Variants in METTL15 observed in about 807,000 individuals in gnomAD.
METTL15 encodes 12S rRNA N(4)-cytidine methyltransferase METTL15.
Under a neutral mutation model 38.3 loss-of-function variants are expected in METTL15, and 34 were observed. The ratio of observed to expected loss-of-function variants is 0.89; its 90% CI spans 0.68 to 1.18. The LOEUF (loss-of-function observed/expected upper bound fraction) is 1.18. Among genes scored for constraint, METTL15 ranks in the 50% most tolerant of loss-of-function variants. METTL15 has a pLI of 0.00. For synonymous variants in METTL15, 162 were observed against 170.9 expected (o/e 0.95, Z 0.41); for missense variants, 438 against 498.4 (o/e 0.88, Z 1.15).
At position 28,373,741 on chromosome 11, in the gene METTL15, G is replaced by A. The variant is rs560922208; in HGVS notation, c.*358+11705G>A. ...TGTTTTAGACATGAAGTCCTTGCCC[G>A]TGCCTATGTCCTGAATGGTAATGCC... On this transcript the variant is annotated intron_variant and NMD_transcript_variant, in intron 5 of 7. Transcript: ENST00000532947. Among the ~76,000 whole-genome samples the A allele has an allele frequency of 2.2e-3, 336 of 152,036 alleles. 1 individual carries two copies. The highest frequency in any genetic ancestry group is 7.2e-3 in the African/African-American group (297 of 41,488).
chr11:28,234,186 T>C (rs1430858089), intron 4 of METTL15, among the ~76,000 whole-genome samples: 2 of 152,212 alleles, frequency 1.3e-5, no homozygotes, highest in Non-Finnish European at 2.9e-5. Context: ...TGCCACATTT[T>C]CTTAATCCAC....
chr11:28,439,103 C>A (rs1369167365), intron 6 of METTL15, among the ~76,000 whole-genome samples: 1 of 151,842 alleles, frequency 6.6e-6, no homozygotes, highest in East Asian at 1.9e-4. Flanking sequence ...AGCTGTTACC[C>A]TTTGCTAGGG....
chr11:28,418,961 G>A (rs1449042698), intron 5 of METTL15, among the ~76,000 whole-genome samples: 2 of 152,154 alleles, frequency 1.3e-5, no homozygotes, highest in Non-Finnish European at 2.9e-5. Context: ...GTTCTGGGGG[G>A]TTCTAAATAA....
intron 2 of METTL15, 133 bp from the exon 3 acceptor site, chr11:28,113,185 T>C: frequency 3.3e-6 from 2 of 604,878 alleles, no homozygotes; most frequent in Non-Finnish European, 5.7e-6. Flanking sequence ...CCTTTACTTG[T>C]TTAAGATGTT....
At chr11:28,223,090 T>G (rs552957410) in intron 4 of METTL15, among the ~76,000 whole-genome samples, 88 of 152,274 alleles carry the variant, frequency 5.8e-4, no homozygotes, top group African/African-American at 1.9e-3. Flanking sequence ...ACACATAATC[T>G]TCTTAGAATC....
chr11:28,133,945 C>G (rs2133640032), intron 3 of METTL15, among the ~76,000 whole-genome samples: 1 of 152,228 alleles, frequency 6.6e-6, no homozygotes, highest in South Asian at 2.1e-4. Context: ...GAAATAAAGG[C>G]AAAGTTTCAA....
intron 4 of METTL15, among the ~76,000 whole-genome samples, chr11:28,249,409 T>A (rs1268340859): frequency 6.6e-6 from 1 of 152,014 alleles, no homozygotes; most frequent in East Asian, 1.9e-4. Context: ...AGCTAAAAAT[T>A]GAAATACCCT....
intron 3 of METTL15, among the ~76,000 whole-genome samples, chr11:28,208,532 A>G (rs1323607087): frequency 1.3e-5 from 2 of 152,058 alleles, no homozygotes; most frequent in Non-Finnish European, 2.9e-5. Context: ...ACTTCCAAGT[A>G]TGTGGTCAAT....
chr11:28,148,407 T>A (rs909910952), intron 3 of METTL15, among the ~76,000 whole-genome samples: 3 of 151,884 alleles, frequency 2.0e-5, no homozygotes, highest in African/African-American at 7.2e-5. Flanking sequence ...GCTATTTTTC[T>A]TGTTTCTTTC....
rs796455735 is a variant in METTL15, at chr11:28,155,319, A to G, written c.270+41715A>G. On this transcript the variant is annotated intron_variant, in intron 3 of 6. Coordinates refer to ENST00000407364, the MANE Select transcript of METTL15 (RefSeq NM_001113528.2). ...TGAAGAAAAAACAACTAACTTTTCT[A>G]AGTTTCAGCATCTTCTTTTACAAGG... Among the ~76,000 whole-genome samples the G allele has an allele frequency of 4.6e-5, 7 of 152,300 alleles. 1 individual carries two copies. The highest frequency in any genetic ancestry group is 1.9e-4 in the East Asian group (1 of 5,192).
At chr11:28,111,489 TC>T (rs1851716972) in intron 2 of METTL15, among the ~76,000 whole-genome samples, 1 of 152,212 alleles carries the variant, frequency 6.6e-6, no homozygotes, top group African/African-American at 2.4e-5. Flanking sequence ...GGATGTCGGT[TC>T]CTTAATAAAA....
chr11:28,348,102 A>G (rs895267498), intron 3 of METTL15, among the ~76,000 whole-genome samples: 3 of 152,140 alleles, frequency 2.0e-5, no homozygotes, highest in African/African-American at 7.2e-5. Context: ...CAATCACTTG[A>G]TTAAGATTAC....
At chr11:28,214,068 G>A (rs1461978864) in intron 4 of METTL15, among the ~76,000 whole-genome samples, 3 of 151,970 alleles carry the variant, frequency 2.0e-5, no homozygotes, top group Non-Finnish European at 2.9e-5. Flanking sequence ...TTGGAGACAA[G>A]TTTTCACTCT....
chr11:28,217,916 A>G (rs1459365975), intron 4 of METTL15, among the ~76,000 whole-genome samples: 2 of 152,058 alleles, frequency 1.3e-5, no homozygotes, highest in Non-Finnish European at 2.9e-5. Context: ...CCTTTGGTCT[A>G]TATCTCTGTT....
At chr11:28,270,833 A>T (rs980934937) in intron 4 of METTL15, among the ~76,000 whole-genome samples, 1 of 152,206 alleles carries the variant, frequency 6.6e-6, no homozygotes, top group East Asian at 1.9e-4. Context: ...CTTTAGAATC[A>T]TAATACCTGG....
chr11:28,531,569 C>T (rs1282977724), downstream of METTL15, among the ~76,000 whole-genome samples: 1 of 152,006 alleles, frequency 6.6e-6, no homozygotes, highest in Non-Finnish European at 1.5e-5. Flanking sequence ...TCTCTCCGAT[C>T]CTGTTTCCTT....
At chr11:28,261,481 TG>T (rs1185595995) in intron 4 of METTL15, 1 of 155,240 alleles carries the variant, frequency 6.4e-6, no homozygotes, top group Non-Finnish European at 1.5e-5. Flanking sequence ...TGGTGATCAA[TG>T]GGTTGACATG....
chr11:28,394,984 G>A (rs532585989), intron 5 of METTL15, among the ~76,000 whole-genome samples: 3 of 152,094 alleles, frequency 2.0e-5, no homozygotes, highest in South Asian at 4.2e-4. Context: ...ATACACAACC[G>A]TTTTTGAAAT....
chr11:28,429,393 C>CCCTCTG (rs1219380815), intron 6 of METTL15, among the ~76,000 whole-genome samples: 2 of 129,586 alleles, frequency 1.5e-5, no homozygotes, highest in East Asian at 5.0e-4. Context: ...CTCTCCCTCT[C>CCCTCTG]CCCACGGTCT....
Sources: allele counts gnomAD v4.1 joint callset (sites outside exome capture counted in the v4.1 genomes callset), GRCh38; gene constraint gnomAD v4.1.1; transcripts MANE v1.5; gene names NCBI Gene and HGNC (gene_info 2026-07-23, HGNC 2026-07-21).